The following MYLK4 variants were observed in gnomAD, a reference collection of about 807,000 sequenced individuals.
MYLK4 encodes caMLCK like.
A neutral mutation model predicts 48.1 loss-of-function variants in MYLK4; 46 were observed. The ratio of observed to expected loss-of-function variants is 0.96; its 90% CI spans 0.75 to 1.22. MYLK4 has a LOEUF of 1.22. Among genes scored for constraint, MYLK4 ranks in the 50% most tolerant of loss-of-function variants. MYLK4 has a pLI of 0.00. For missense variants in MYLK4, 451 were observed against 486.1 expected (o/e 0.93, Z 0.68); for synonymous variants, 170 against 180.8 (o/e 0.94, Z 0.48).
At chr6:2,737,029 G>A (rs1020585964) in intron 2 of MYLK4, among the ~76,000 whole-genome samples, 2 of 152,212 alleles carry the variant, frequency 1.3e-5, no homozygotes, top group Non-Finnish European at 2.9e-5. Flanking sequence ...ATGTTGCTAA[G>A]TTCTTATGCA....
the MYLK4 span, among the ~76,000 whole-genome samples, chr6:2,760,364 C>A: frequency 2.0e-5 from 3 of 152,186 alleles, no homozygotes; most frequent in African/African-American, 7.2e-5. Flanking sequence ...AGGCACACCA[C>A]CCTCCCAGCA....
At chr6:2,686,781 C>T (rs531756362) in intron 4 of MYLK4, among the ~76,000 whole-genome samples, 6 of 152,302 alleles carry the variant, frequency 3.9e-5, no homozygotes, top group African/African-American at 1.4e-4. Context: ...GTAGCCACGG[C>T]GTGACTTCAA....
intron 2 of MYLK4, among the ~76,000 whole-genome samples, chr6:2,733,178 T>C (rs1763539350): frequency 6.6e-6 from 1 of 152,230 alleles, no homozygotes; most frequent in Non-Finnish European, 1.5e-5. Context: ...AACCACATAT[T>C]AGGCCTTTTA....
In MYLK4 at chr6:2,703,989, A is replaced by T. The variant is rs186196858; in HGVS notation, c.160-11130T>A. On this transcript the variant is annotated intron_variant, in intron 2 of 12. Transcript: ENST00000274643. ...CACTCCCCTCCCATATGTTCTACCTAAAGAGGAGTCCACCTTCTCTCTGCC... is the reference window on the plus strand; with the variant it reads ...CACTCCCCTCCCATATGTTCTACCTTAAGAGGAGTCCACCTTCTCTCTGCC... 2.9e-3 allele frequency among the ~76,000 whole-genome samples: 447 copies of T among 152,196 alleles called. 4 individuals are homozygous for T. Among genetic ancestry groups the T allele is most frequent in the Middle Eastern group, 3.4e-3 (1 of 294 alleles).
At chr6:2,736,493 G>C (rs1403346929) in intron 2 of MYLK4, among the ~76,000 whole-genome samples, 1 of 152,168 alleles carries the variant, frequency 6.6e-6, no homozygotes, top group Non-Finnish European at 1.5e-5. Flanking sequence ...TTATGTGTTG[G>C]AATAATATTA....
At chr6:2,700,164 C>T (rs968977754) in intron 2 of MYLK4, among the ~76,000 whole-genome samples, 4 of 152,098 alleles carry the variant, frequency 2.6e-5, no homozygotes, top group Admixed American at 2.0e-4. Context: ...GACTTGAGGC[C>T]GCTCTTTCTT....
chr6:2,700,842 A>G (rs974501502), intron 2 of MYLK4, among the ~76,000 whole-genome samples: 2 of 152,176 alleles, frequency 1.3e-5, no homozygotes, highest in Non-Finnish European at 2.9e-5. Flanking sequence ...AGAGAGGAGG[A>G]CTCAGGCTGA....
At chr6:2,692,220 T>C (rs1447447076) in intron 3 of MYLK4, among the ~76,000 whole-genome samples, 2 of 152,248 alleles carry the variant, frequency 1.3e-5, no homozygotes, top group African/African-American at 4.8e-5. Context: ...TCAGGCTCTC[T>C]GTGCATGAAA....
At chr6:2,759,917 C>T in the MYLK4 span, among the ~76,000 whole-genome samples, 1 of 152,164 alleles carries the variant, frequency 6.6e-6, no homozygotes, top group Non-Finnish European at 1.5e-5. Flanking sequence ...AATAATTTGA[C>T]AATACAGTTG....
In MYLK4 at chr6:2,683,085, A is replaced by G. The variant is rs1368318126; in HGVS notation, c.623T>C (p.Met208Thr). Reference protein sequence around the residue: ...NLTELDTILFMKQICEGIRHM... With the variant: ...NLTELDTILFTKQICEGIRHM... Reference sequence around the variant, plus strand: ...CCTTATCCCCTCACATATCTGCTTCATGAACAGGATGGTATCAAGCTCCGT... The same window carrying G: ...CCTTATCCCCTCACATATCTGCTTCGTGAACAGGATGGTATCAAGCTCCGT... Residue 208 changes from methionine (M) to threonine (T), a missense_variant, in exon 7 of 13, where the codon ATG (methionine) becomes ACG (threonine). Met to Thr is a moderately conservative substitution (Grantham distance 81). Coordinates refer to ENST00000274643, the MANE Select transcript of MYLK4 (RefSeq NM_001012418.5). 1.2e-6 allele frequency: 2 copies of G among 1,614,058 alleles called. No individual in the cohort carries two copies. Among genetic ancestry groups the G allele is most frequent in the African/African-American group, 2.7e-5 (2 of 74,918 alleles).
At position 2,684,679 on chromosome 6, in the gene MYLK4, G is replaced by A. The variant is rs534765031; in HGVS notation, c.545+617C>T. ...AATACAGTATAACAACTGTATATGT[G>A]GCATTTACAGTTTATCAGGTATTGT... On this transcript the variant is annotated intron_variant, in intron 6 of 12. Coordinates refer to ENST00000274643, the MANE Select transcript of MYLK4 (RefSeq NM_001012418.5). 6.6e-5 allele frequency among the ~76,000 whole-genome samples: 10 copies of A among 152,200 alleles called. No individual in the cohort carries two copies. The East Asian group carries it at 1.9e-3, about 29-fold the overall frequency.
chr6:2,711,051 T>G (rs1762653373), intron 2 of MYLK4, among the ~76,000 whole-genome samples: 1 of 152,244 alleles, frequency 6.6e-6, no homozygotes, highest in African/African-American at 2.4e-5. Context: ...GTGGCCATTC[T>G]GCTGGCTTAC....
chr6:2,686,900 C>A (rs1551776), intron 4 of MYLK4, among the ~76,000 whole-genome samples: 40,034 of 152,096 alleles, frequency 0.26, 6,134 homozygotes, highest in East Asian at 0.46. Flanking sequence ...CTAGCAATGG[C>A]CGCAGAACCT....
intron 2 of MYLK4, among the ~76,000 whole-genome samples, chr6:2,748,245 G>A (rs1425870624): frequency 6.6e-6 from 1 of 152,144 alleles, no homozygotes; most frequent in African/African-American, 2.4e-5. Context: ...AAACACTTTT[G>A]GTGCCTATTT....
chr6:2,694,575 C>CCA (rs1761979031), intron 2 of MYLK4, among the ~76,000 whole-genome samples: 1 of 39,486 alleles, frequency 2.5e-5, no homozygotes, highest in African/African-American at 1.0e-4. Context: ...AGTGGTAGTG[C>CCA]TGCTGGTGGT....
At chr6:2,764,751 TC>T in the MYLK4 span, among the ~76,000 whole-genome samples, 3 of 152,150 alleles carry the variant, frequency 2.0e-5, no homozygotes, top group Non-Finnish European at 4.4e-5. Context: ...GCGAGAAGCA[TC>T]TCTTGGCTCG....
chr6:2,768,776 A>G, the MYLK4 span: 22 of 1,614,064 alleles, frequency 1.4e-5, no homozygotes, highest in South Asian at 5.5e-5. Flanking sequence ...GCCAAGACAA[A>G]TGATGTGCGA....
At chr6:2,695,922 T>G (rs867838763) in intron 2 of MYLK4, among the ~76,000 whole-genome samples, 27 of 152,358 alleles carry the variant, frequency 1.8e-4, no homozygotes, top group Middle Eastern at 3.4e-3. Flanking sequence ...GCATTAAGTT[T>G]CTGACCCAAT....
chr6:2,716,186 G>A (rs544686393), intron 2 of MYLK4, among the ~76,000 whole-genome samples: 1 of 152,262 alleles, frequency 6.6e-6, no homozygotes, highest in East Asian at 1.9e-4. Context: ...AGGATTTGAG[G>A]TTACTACCAT....
Sources: gnomAD v4.1 joint callset for allele counts (sites outside exome capture counted in the v4.1 genomes callset) on GRCh38, gnomAD v4.1.1 for gene constraint, MANE v1.5 for transcripts, NCBI Gene and HGNC (gene_info 2026-07-23, HGNC 2026-07-21) for gene names.